Variants in MED12L observed in about 807,000 individuals in gnomAD.
MED12L encodes mediator of RNA polymerase II transcription subunit 12-like protein.
In MED12L, 60 loss-of-function variants were observed where a neutral mutation model predicts 281.3. The observed-to-expected ratio is 0.21, with a 90% confidence interval of 0.17 to 0.26. MED12L has a LOEUF of 0.26. MED12L is among the 10% of genes least tolerant of loss of function. The probability of loss-of-function intolerance (pLI) is 1.00; values close to 1 mark genes in which losing one functional copy is unlikely to be tolerated. For missense variants in MED12L, 2,146 were observed against 2,680.9 expected (o/e 0.80, Z 4.41); for synonymous variants, 974 against 987.2 (o/e 0.99, Z 0.25).
rs559295120 is a variant in MED12L at position 151,191,830 on chromosome 3, C to T, written c.1969-720C>T. ...CTGAGGCAGGAGAATTGCTTGAACC[C>T]GGGAGGTGGAGGTTGCAGTGAGCCG... On this transcript the variant is annotated intron_variant, in intron 14 of 44. Coordinates refer to ENST00000687756, the MANE Select transcript of MED12L (RefSeq NM_001393769.1). Among the ~76,000 whole-genome samples the T allele has an allele frequency of 1.7e-3, 262 of 151,976 alleles. 1 individual carries two copies. The highest frequency in any genetic ancestry group is 5.7e-3 in the African/African-American group (237 of 41,432).
intron 38 of MED12L, among the ~76,000 whole-genome samples, chr3:151,394,299 A>G: frequency 6.6e-6 from 1 of 152,264 alleles, no homozygotes; most frequent in East Asian, 1.9e-4. Flanking sequence ...GGCAAAATAC[A>G]TCACAAAGGC....
chr3:151,387,860 G>A lies in MED12L; in HGVS notation c.5139G>A (p.Glu1713=), dbSNP rs1193717982. ...KQKVSPWDLF[E]GQKNPAPLSW... Reference sequence around the variant, plus strand: ...AGGTGTCCCCGTGGGACTTGTTTGAGGGTCAGAAGAACCCAGCTCCTTTGT... The same window carrying A: ...AGGTGTCCCCGTGGGACTTGTTTGAAGGTCAGAAGAACCCAGCTCCTTTGT... Residue 1713 remains glutamate (E), a synonymous_variant, in exon 37 of 45, where the codon GAG becomes GAA. Coordinates refer to ENST00000687756, the MANE Select transcript of MED12L (RefSeq NM_001393769.1). 6.2e-7 allele frequency: 1 copy of A among 1,613,952 alleles called. No homozygotes were observed. Among genetic ancestry groups the A allele is most frequent in the African/African-American group, 1.3e-5 (1 of 74,900 alleles).
At chr3:151,259,202 C>CGTAA (rs1162908759) in intron 16 of MED12L, among the ~76,000 whole-genome samples, 22 of 152,194 alleles carry the variant, frequency 1.4e-4, no homozygotes, top group Non-Finnish European at 2.4e-4. Context: ...TGTAGGATTA[C>CGTAA]GGCCACACAA....
intron 38 of MED12L, among the ~76,000 whole-genome samples, chr3:151,393,018 A>C (rs1040629699): frequency 1.3e-5 from 2 of 152,246 alleles, no homozygotes; most frequent in African/African-American, 2.4e-5. Context: ...TTACCCAGCC[A>C]TGTGTTACTT....
At chr3:151,350,936 G>A (rs1753158946) in intron 17 of MED12L, among the ~76,000 whole-genome samples, 1 of 152,142 alleles carries the variant, frequency 6.6e-6, no homozygotes, top group African/African-American at 2.4e-5. Context: ...ATTTCATTAG[G>A]CAATCAAATT....
chr3:151,089,041 A>G (rs1719667633), intron 2 of MED12L, among the ~76,000 whole-genome samples: 1 of 152,064 alleles, frequency 6.6e-6, no homozygotes, highest in African/African-American at 2.4e-5. Flanking sequence ...TTAGTTATTT[A>G]TGTCCTACCT....
chr3:151,260,478 T>G (rs1174623567), intron 16 of MED12L, among the ~76,000 whole-genome samples: 5 of 152,146 alleles, frequency 3.3e-5, no homozygotes, highest in African/African-American at 9.7e-5. Context: ...GCCTCCCAAG[T>G]AGCTGGGACT....
intron 16 of MED12L, among the ~76,000 whole-genome samples, chr3:151,211,618 A>G (rs998373322): frequency 1.1e-4 from 17 of 152,230 alleles, no homozygotes; most frequent in African/African-American, 3.9e-4. Context: ...TTTGCCTAAA[A>G]TATTGATGAG....
rs147247606 is a variant in MED12L, at chr3:151,233,202, T to C, written c.2250+39536T>C. Among the ~76,000 whole-genome samples the C allele has an allele frequency of 4.3e-4, 66 of 152,276 alleles. 1 individual carries two copies. The highest frequency in any genetic ancestry group is 1.6e-3 in the African/African-American group (66 of 41,544). Reference sequence around the variant, plus strand: ...TGTTGACGAGCCCGGCTGCCTCACCTCCACAGGGTAGCACTCTCGTGCCCT... The same window carrying C: ...TGTTGACGAGCCCGGCTGCCTCACCCCCACAGGGTAGCACTCTCGTGCCCT... On this transcript the variant is annotated intron_variant, in intron 16 of 44. Transcript: ENST00000687756.
chr3:151,261,232 G>A (rs1309521861), intron 16 of MED12L, among the ~76,000 whole-genome samples: 3 of 152,064 alleles, frequency 2.0e-5, no homozygotes, highest in Non-Finnish European at 4.4e-5. Flanking sequence ...ATGAACGAAT[G>A]ATGGAGAGAC....
intron 2 of MED12L, among the ~76,000 whole-genome samples, chr3:151,114,313 A>G (rs546725879): frequency 6.6e-6 from 1 of 152,296 alleles, no homozygotes; most frequent in African/African-American, 2.4e-5. Flanking sequence ...AATTTCCTAT[A>G]GCGGGGTCTT....
intron 4 of MED12L, among the ~76,000 whole-genome samples, chr3:151,126,488 T>C (rs1301534846): frequency 1.3e-5 from 2 of 152,170 alleles, no homozygotes. Context: ...AAAGAATTAT[T>C]CTAGGATCAC....
chr3:151,177,110 T>G (rs1385002733), intron 11 of MED12L, among the ~76,000 whole-genome samples: 2 of 152,220 alleles, frequency 1.3e-5, no homozygotes, highest in African/African-American at 4.8e-5. Flanking sequence ...AATTCACTCC[T>G]GTGGTTTTAT....
chr3:151,135,051 G>T (rs1369911614), intron 5 of MED12L, among the ~76,000 whole-genome samples: 1 of 152,164 alleles, frequency 6.6e-6, no homozygotes, highest in East Asian at 1.9e-4. Flanking sequence ...TATTTGAGAT[G>T]GAGTCTCCTC....
chr3:151,403,082 C>T (rs564346963), intron 39 of MED12L, among the ~76,000 whole-genome samples: 1 of 151,310 alleles, frequency 6.6e-6, no homozygotes, highest in African/African-American at 2.4e-5. Context: ...AAATGAGAAG[C>T]AGGTTTTTCT....
At position 151,327,780 on chromosome 3, in the gene MED12L, A is replaced by G. The variant is rs146935654; in HGVS notation, c.2251-22279A>G. 213 of 394,212 alleles carry G rather than the reference A, an allele frequency of 5.4e-4. 1 individual carries two copies. Among genetic ancestry groups the G allele is most frequent in the African/African-American group, 4.0e-3 (192 of 48,194 alleles). 24.4% of individuals were successfully genotyped at this position (394,212 alleles called of 1,614,324 possible). On this transcript the variant is annotated intron_variant, in intron 16 of 44. Transcript: ENST00000687756. ...AAAGAAATAATGACCTCTAGTGGCC[A>G]TTTGTATCCTGTTGCATTCTCTTAG...
At chr3:151,206,642 C>CTTTTTTT (rs747558778) in intron 16 of MED12L, among the ~76,000 whole-genome samples, 44,332 of 69,650 alleles carry the variant, frequency 0.64, 19,719 homozygotes, top group East Asian at 0.79. Context: ...AACACATTAT[C>CTTTTTTT]TTTTTTTTTT....
chr3:151,237,032 A>G (rs1732958417), intron 16 of MED12L, among the ~76,000 whole-genome samples: 1 of 151,328 alleles, frequency 6.6e-6, no homozygotes, highest in Non-Finnish European at 1.5e-5. Flanking sequence ...AAACTTCAGG[A>G]AGTGATGCCA....
chr3:151,269,850 G>T (rs1430936381), intron 16 of MED12L: 4 of 451,326 alleles, frequency 8.9e-6, no homozygotes, highest in African/African-American at 4.1e-5. Context: ...AGTAAAGTCA[G>T]CAGGAAGAGG....
Sources: allele counts gnomAD v4.1 joint callset (sites outside exome capture counted in the v4.1 genomes callset), GRCh38; gene constraint gnomAD v4.1.1; transcripts MANE v1.5; gene names NCBI Gene and HGNC (gene_info 2026-07-23, HGNC 2026-07-21).